MAMDC4: variants seen among roughly 807,000 people sequenced by gnomAD.
MAMDC4 encodes the protein MAM domain containing 4, also known as apical endosomal glycoprotein.
MAMDC4 carries 168 observed loss-of-function variants against 153.3 expected under a neutral mutation model. The observed-to-expected ratio is 1.10, with a 90% confidence interval of 0.97 to 1.25. The LOEUF (loss-of-function observed/expected upper bound fraction) is 1.25. MAMDC4 is among the 50% of genes most tolerant of loss of function. MAMDC4 has a pLI of 0.00. For missense variants in MAMDC4, 1,701 were observed against 1,542.8 expected (o/e 1.10, Z -1.72); for synonymous variants, 744 against 651.5 (o/e 1.14, Z -2.16).
rs751282188 is a variant in MAMDC4, at chr9:136,859,087, G to C, written c.3039G>C (p.Gln1013His). 6.4e-7 allele frequency: 1 copy of C among 1,555,168 alleles called. No homozygotes were observed. Among genetic ancestry groups the C allele is most frequent in the Non-Finnish European group, 8.7e-7 (1 of 1,149,292 alleles). ...VWGAGGHRRH[Q>H]WLEAQVEVAS... ...GCGCAGGCGGGCATCGGCGGCACCA[G>C]TGGCTGGAGGCCCAGGTGGAGGTAG... Residue 1013 changes from glutamine (Q) to histidine (H), a missense_variant, in exon 24 of 27, where the codon CAG becomes CAC. Gln to His is a conservative substitution (Grantham distance 24). Transcript: ENST00000317446.
At position 136,858,197 on chromosome 9, in the gene MAMDC4, G is replaced by A. The variant is rs1849035310; in HGVS notation, c.2595G>A (p.Glu865=). 6.3e-7 allele frequency: 1 copy of A among 1,593,086 alleles called. No individual in the cohort carries two copies. Among genetic ancestry groups the A allele is most frequent in the African/African-American group, 1.3e-5 (1 of 74,762 alleles). The change falls in exon 21 of 27, where the codon GAG becomes GAA. Residue 865 remains glutamate (E), a synonymous_variant. Transcript: ENST00000317446. ...QAERAWRVVF[E]AVAAGVAHSY... is the part of the protein sequence containing the mutation. The stretch of plus-strand genomic sequence containing the variant: ...CCTGCACCCGCCAGGTGGTGTTTGA[G>A]GCAGTGGCCGCAGGCGTGGCACACT...
Position 136,857,004 on chromosome 9 carries a change from T to G in MAMDC4, c.1935T>G (p.Cys645Trp). The change falls in exon 16 of 27, where the codon TGT (cysteine) becomes TGG (tryptophan). Residue 645 changes from cysteine (C) to tryptophan (W), a missense_variant. Cys to Trp is a radical substitution (Grantham distance 215). Coordinates refer to ENST00000317446, the MANE Select transcript of MAMDC4 (RefSeq NM_206920.3). The stretch of plus-strand genomic sequence containing the variant: ...AGGTGCCAGCAGCACCCACGGAGTG[T>G]CTCAGCTTCTGGTACCACCTCCATG... ...RPQVPAAPTE[C>W]LSFWYHLHGP... 6.2e-7 allele frequency: 1 copy of G among 1,612,250 alleles called. No homozygotes were observed. The highest frequency in any genetic ancestry group is 1.1e-5 in the South Asian group (1 of 91,020).
chr9:136,858,503 T>C lies in MAMDC4; in HGVS notation c.2778T>C (p.Arg926=). 1 of 1,605,026 alleles carries C rather than the reference T, an allele frequency of 6.2e-7. No individual in the cohort carries two copies. ...WDWGGGATPS[R]YPQPPVDHTL... Reference sequence around the variant, plus strand: ...GGGGCGGGGGAGCCACCCCCTCTCGTTACCCCCAGCCCCCTGTGGACCACA... The same window carrying C: ...GGGGCGGGGGAGCCACCCCCTCTCGCTACCCCCAGCCCCCTGTGGACCACA... The change falls in exon 22 of 27, where the codon CGT becomes CGC. Residue 926 remains arginine (R), a synonymous_variant. Coordinates refer to ENST00000317446, the MANE Select transcript of MAMDC4 (RefSeq NM_206920.3).
Position 136,853,315 on chromosome 9 carries a change from C to T in MAMDC4, c.185C>T (p.Ala62Val). The change falls in exon 3 of 27, where the codon GCC (alanine) becomes GTC (valine). Residue 62 changes from alanine (A) to valine (V), a missense_variant. Transcript: ENST00000317446. ...CACGGGGCCTCGCCCACCCTGGGCGCCCCCTTCGCCTGTGACTTCGAGCAG... is the reference window on the plus strand; with the variant it reads ...CACGGGGCCTCGCCCACCCTGGGCGTCCCCTTCGCCTGTGACTTCGAGCAG... Reference protein sequence around the residue: ...GYHGASPTLGAPFACDFEQDP... With the variant: ...GYHGASPTLGVPFACDFEQDP... 6.2e-7 allele frequency: 1 copy of T among 1,602,768 alleles called. No individual in the cohort carries two copies. The highest frequency in any genetic ancestry group is 1.1e-5 in the South Asian group (1 of 90,356).
intron 25 of MAMDC4, 147 bp from the exon 26 acceptor site, chr9:136,859,739 G>A (rs904927158): frequency 5.2e-6 from 4 of 776,264 alleles, no homozygotes; most frequent in African/African-American, 1.8e-5. Context: ...CATCCTTGTG[G>A]TAGCAGAACC....
intron 13 of MAMDC4, 67 bp from the exon 14 acceptor site, chr9:136,855,951 G>A (rs1848998184): frequency 1.9e-6 from 3 of 1,557,606 alleles, no homozygotes; most frequent in Non-Finnish European, 2.6e-6. Flanking sequence ...TCTGGACTGG[G>A]GATCCCTGAG....
intron 6 of MAMDC4, 24 bp downstream of exon 6, chr9:136,854,100 C>A: frequency 6.2e-7 from 1 of 1,612,002 alleles, no homozygotes; most frequent in South Asian, 1.1e-5. Context: ...TCTTCCTGTT[C>A]CACCCCCGGG....
Position 136,855,729 on chromosome 9 carries a change from C to T in MAMDC4, c.1472-3C>T. 1.9e-6 allele frequency: 3 copies of T among 1,575,652 alleles called. No individual in the cohort carries two copies. Among genetic ancestry groups the T allele is most frequent in the Non-Finnish European group, 2.6e-6 (3 of 1,161,806 alleles). ...TGCCATTCAGTGCCGGCTGCTGTTC[C>T]AGGCACCACAGACTTTGAGTCCCCC... On this transcript the variant is annotated splice_region_variant and splice_polypyrimidine_tract_variant and intron_variant, in intron 12 of 26. Coordinates refer to ENST00000317446, the MANE Select transcript of MAMDC4 (RefSeq NM_206920.3).
At position 136,860,088 on chromosome 9, in the gene MAMDC4, G is replaced by C. The variant is rs765415624; in HGVS notation, c.3372+24G>C. 7.2e-6 allele frequency: 11 copies of C among 1,529,250 alleles called. No homozygotes were observed. In the South Asian group the frequency reaches 1.0e-4, roughly 14 times the overall value. The allele number at this position is 1,529,250 out of a possible 1,614,324, so 94.7% of individuals were successfully genotyped here. On this transcript the variant is annotated intron_variant, in intron 26 of 26. Transcript: ENST00000317446. ...CGGTAGGAGCCCCTGGGGATGGGTGGGCAGGAGCCTCTGTGCTCAGCTGTG... is the reference window on the plus strand; with the variant it reads ...CGGTAGGAGCCCCTGGGGATGGGTGCGCAGGAGCCTCTGTGCTCAGCTGTG...
At chr9:136,853,732 G>C (rs755554650) in intron 4 of MAMDC4, 45 bp from the exon 5 acceptor site, 2 of 1,605,876 alleles carry the variant, frequency 1.2e-6, no homozygotes, top group South Asian at 1.1e-5. Flanking sequence ...TGGGCAGCTG[G>C]GGACAAGCAG....
rs772578106 is a variant in MAMDC4 at position 136,858,465 on chromosome 9, T to C, written c.2740T>C (p.Tyr914His). The C allele has an allele frequency of 3.7e-6, 6 of 1,609,052 alleles. No individual in the cohort carries two copies. The highest frequency in any genetic ancestry group is 4.2e-6 in the Non-Finnish European group (5 of 1,179,696). Reference protein sequence around the residue: ...SHLAWPGLGGYSWDWGGGATP... With the variant: ...SHLAWPGLGGHSWDWGGGATP... The stretch of plus-strand genomic sequence containing the variant: ...CCTGGCCTGGCCCGGCCTGGGCGGA[T>C]ACAGCTGGGACTGGGGCGGGGGAGC... Residue 914 changes from tyrosine to histidine, a missense_variant, in exon 22 of 27, where the codon TAC becomes CAC. By Grantham distance (83) the Tyr-to-His change is moderately conservative. Coordinates refer to ENST00000317446, the MANE Select transcript of MAMDC4 (RefSeq NM_206920.3).
In MAMDC4 at chr9:136,859,024, A is replaced by T. The variant is rs1376290447; in HGVS notation, c.2976A>T (p.Val992=). 8 of 1,536,124 alleles carry T rather than the reference A, an allele frequency of 5.2e-6. No homozygotes were observed. Among genetic ancestry groups the T allele is most frequent in the Non-Finnish European group, 7.0e-6 (8 of 1,138,280 alleles). Residue 992 remains valine (V), a synonymous_variant, in exon 24 of 27, where the codon GTA becomes GTT. Transcript: ENST00000317446. ...PEHFYKGELK[V]LLHSAQGQLA... ...TCTCAGACAAGGGGGAGCTGAAGGTACTGCTGCACAGTGCTCAGGGCCAGC... is the reference window on the plus strand; with the variant it reads ...TCTCAGACAAGGGGGAGCTGAAGGTTCTGCTGCACAGTGCTCAGGGCCAGC...
chr9:136,857,889 T>TG lies in MAMDC4; in HGVS notation c.2465-89dup. ...GTGCTGAGGCCACTGGGGAGCCTCT[T>TG]GCGCCCGCCAGGCTGGGAGCCTGGG... On this transcript the variant is annotated intron_variant, in intron 19 of 26. Transcript: ENST00000317446. 12 of 1,495,736 alleles carry TG rather than the reference T, an allele frequency of 8.0e-6. No homozygotes were observed. The South Asian group carries it at 1.1e-4, about 14-fold the overall frequency. 92.7% of individuals were successfully genotyped at this position (1,495,736 alleles called of 1,614,324 possible).
At chr9:136,860,167 C>G in intron 26 of MAMDC4, 103 bp downstream of exon 26, 4 of 1,294,926 alleles carry the variant, frequency 3.1e-6, no homozygotes, top group Non-Finnish European at 4.2e-6. Flanking sequence ...GAGCCCCCAC[C>G]TGTGCAAGGC....
In MAMDC4 at chr9:136,859,211, C is replaced by G; in HGVS notation, c.3087C>G (p.Ile1029Met). ...AAACTCCTTTCCTTCTCCATCAGAT[C>G]GTGTTTGAAGCCACTCTGGGCGGCC... ...VEVASAKEFQ[I>M]VFEATLGGQP... The change falls in exon 25 of 27, where the codon ATC becomes ATG. Residue 1029 changes from isoleucine to methionine, a missense_variant and splice_region_variant. Physicochemically the swap from Ile to Met is conservative, Grantham distance 10. Transcript: ENST00000317446. 4 of 1,610,470 alleles carry G rather than the reference C, an allele frequency of 2.5e-6. No homozygotes were observed. The highest frequency in any genetic ancestry group is 1.7e-5 in the Admixed American group (1 of 59,754).
Position 136,854,542 on chromosome 9 carries a change from G to A in MAMDC4, c.800G>A (p.Arg267His), listed in dbSNP as rs768351133. 76 of 1,603,602 alleles carry A rather than the reference G, an allele frequency of 4.7e-5. No individual in the cohort carries two copies. Among genetic ancestry groups the A allele is most frequent in the Non-Finnish European group, 5.5e-5 (65 of 1,176,340 alleles). ...ACACGCCCACCTCCTGCCCTAGGCC[G>A]CCACATAGCCACCGACTTTGAGACA... is the stretch of plus-strand genomic sequence containing the variant. ...LSDENPLTCGRHIATDFETGL... is the reference protein window; with the variant it reads ...LSDENPLTCGHHIATDFETGL... The change falls in exon 8 of 27, where the codon CGC becomes CAC. Residue 267 changes from arginine to histidine, a missense_variant. Transcript: ENST00000317446.
rs1849048520 is a variant in MAMDC4 at position 136,859,026 on chromosome 9, T to C, written c.2978T>C (p.Leu993Pro). Residue 993 changes from leucine to proline, a missense_variant, in exon 24 of 27, where the codon CTG (leucine) becomes CCG (proline). Transcript: ENST00000317446. Reference sequence around the variant, plus strand: ...TCAGACAAGGGGGAGCTGAAGGTACTGCTGCACAGTGCTCAGGGCCAGCTG... The same window carrying C: ...TCAGACAAGGGGGAGCTGAAGGTACCGCTGCACAGTGCTCAGGGCCAGCTG... ...EHFYKGELKV[L>P]LHSAQGQLAV... 4.5e-6 allele frequency: 7 copies of C among 1,546,500 alleles called. No homozygotes were observed. Among genetic ancestry groups the C allele is most frequent in the Admixed American group, 2.0e-5 (1 of 50,036 alleles).
chr9:136,859,399 G>A, intron 25 of MAMDC4, 82 bp downstream of exon 25: 2 of 1,261,530 alleles, frequency 1.6e-6, no homozygotes, highest in East Asian at 2.4e-5. Context: ...TTACCAGTGT[G>A]TGGTCCCAGG....
chr9:136,859,496 G>A, intron 25 of MAMDC4, 179 bp downstream of exon 25: 1 of 658,182 alleles, frequency 1.5e-6, no homozygotes, highest in Non-Finnish European at 2.5e-6. Context: ...GCTCACCCCT[G>A]GGGCCGCTGC....
Sources: gnomAD v4.1 joint callset for allele counts on GRCh38, gnomAD v4.1.1 for gene constraint, MANE v1.5 for transcripts, NCBI Gene and HGNC (gene_info 2026-07-23, HGNC 2026-07-21) for gene names.